The following CHD6 variants were observed in gnomAD, a reference collection of about 807,000 sequenced individuals.
CHD6 encodes the protein chromodomain helicase DNA binding protein 6, also known as ATP-dependent chromatin remodeler CHD6.
CHD6 carries 50 observed loss-of-function variants against 276.9 expected under a neutral mutation model. The ratio of observed to expected loss-of-function variants is 0.18; its 90% CI spans 0.14 to 0.23. The LOEUF (loss-of-function observed/expected upper bound fraction) is 0.23, where lower values mean the gene tolerates loss of function less well. Ranked by LOEUF, CHD6 falls within the 10% of genes least tolerant of loss-of-function variation. CHD6 has a pLI of 1.00. For synonymous variants in CHD6, 1,173 were observed against 1,229.3 expected (o/e 0.95, Z 0.96); for missense variants, 2,564 against 3,365.8 (o/e 0.76, Z 5.89).
intron 1 of CHD6, among the ~76,000 whole-genome samples, chr20:41,617,898 C>G (rs1468618649): frequency 6.7e-6 from 1 of 148,446 alleles, no homozygotes; most frequent in African/African-American, 2.4e-5. Flanking sequence ...GCGGTCACCC[C>G]CGCCCCGCCC....
intron 6 of CHD6, among the ~76,000 whole-genome samples, chr20:41,499,030 G>A (rs1201027846): frequency 7.2e-5 from 11 of 151,860 alleles, no homozygotes; most frequent in Admixed American, 6.6e-4. Flanking sequence ...AATTGTGGTG[G>A]GCTACAGCAA....
At position 41,443,086 on chromosome 20, in the gene CHD6, C is replaced by T. The variant is rs149937420; in HGVS notation, c.3877+2579G>A. Among the ~76,000 whole-genome samples, 557 of 152,330 alleles carry T rather than the reference C, an allele frequency of 3.7e-3. 4 individuals are homozygous for T. Among genetic ancestry groups the T allele is most frequent in the African/African-American group, 0.012 (514 of 41,580 alleles). ...CAAGGCCTCTGCCCCTCAGCTGTAA[C>T]TGTAAATTCCAAGTTCACCTCAACT... On this transcript the variant is annotated intron_variant, in intron 25 of 36. Transcript: ENST00000373233.
chr20:41,492,671 C>G (rs1004157794), intron 10 of CHD6, among the ~76,000 whole-genome samples: 4 of 152,200 alleles, frequency 2.6e-5, no homozygotes, highest in Non-Finnish European at 5.9e-5. Context: ...CAAAGTAATC[C>G]CAGCACTTTG....
intron 2 of CHD6, among the ~76,000 whole-genome samples, chr20:41,541,834 C>T (rs560343465): frequency 6.6e-6 from 1 of 152,172 alleles, no homozygotes; most frequent in Non-Finnish European, 1.5e-5. Context: ...TTAGTCTCCA[C>T]CTCTACTTCC....
intron 1 of CHD6, among the ~76,000 whole-genome samples, chr20:41,617,994 C>T (rs898903571): frequency 4.3e-4 from 63 of 146,686 alleles, no homozygotes; most frequent in Non-Finnish European, 7.4e-4. Flanking sequence ...GGCCCGCGGC[C>T]GGGGTCTGCC....
At position 41,513,004 on chromosome 20, in the gene CHD6, C is replaced by T. The variant is rs1342625958; in HGVS notation, c.703-9G>A. The T allele has an allele frequency of 6.2e-7, 1 of 1,613,942 alleles. No homozygotes were observed. ...CTTCCCGAGCGTCGTTTCTGTAGGG[C>T]AAACACACCCGTCAGAGAAGCTCTC... On this transcript the variant is annotated splice_polypyrimidine_tract_variant and intron_variant, in intron 4 of 36. Coordinates refer to ENST00000373233, the MANE Select transcript of CHD6 (RefSeq NM_032221.5).
At chr20:41,453,063 G>A (rs957550946) in intron 20 of CHD6, 121 bp from the exon 21 acceptor site, 16 of 726,236 alleles carry the variant, frequency 2.2e-5, no homozygotes, top group Middle Eastern at 3.0e-4. Flanking sequence ...CCTCCAGCAC[G>A]AAGGGCTATT....
In CHD6 at chr20:41,556,306, A is replaced by ATGGGAG. The variant is rs1568700442; in HGVS notation, c.-23-4947_-23-4946insCTCCCA. ...AGAGGGAGAGGGAGACCGTGGGGAG[A>ATGGGAG]CGGGAGAGGGAGAGGGCACCTTTTT... On this transcript the variant is annotated intron_variant, in intron 1 of 36. Transcript: ENST00000373233. 8.5e-5 allele frequency among the ~76,000 whole-genome samples: 8 copies of ATGGGAG among 94,386 alleles called. 1 individual carries two copies. Among genetic ancestry groups the ATGGGAG allele is most frequent in the African/African-American group, 4.2e-4 (6 of 14,334 alleles). 61.9% of individuals were successfully genotyped at this position (94,386 alleles called of 152,430 possible). A position where few individuals can be genotyped will look rare whatever the true frequency, so the allele number is the denominator to read the frequency against.
intron 8 of CHD6, among the ~76,000 whole-genome samples, chr20:41,495,136 G>A (rs1048115953): frequency 3.9e-5 from 6 of 151,962 alleles, no homozygotes; most frequent in African/African-American, 1.5e-4. Flanking sequence ...TAGTGCCTAT[G>A]AGCTAAACAC....
intron 5 of CHD6, among the ~76,000 whole-genome samples, chr20:41,507,633 A>T (rs558059399): frequency 1.3e-5 from 2 of 152,336 alleles, no homozygotes; most frequent in Non-Finnish European, 1.5e-5. Flanking sequence ...ATACAGATAC[A>T]CACAGATATA....
intron 27 of CHD6, among the ~76,000 whole-genome samples, chr20:41,436,794 AT>A (rs1329375439): frequency 6.6e-6 from 1 of 152,216 alleles, no homozygotes; most frequent in Non-Finnish European, 1.5e-5. Context: ...TTTACAGAAC[AT>A]TCTTAAAATG....
chr20:41,490,222 A>G (rs1002146534), intron 11 of CHD6, among the ~76,000 whole-genome samples: 1 of 152,154 alleles, frequency 6.6e-6, no homozygotes, highest in African/African-American at 2.4e-5. Flanking sequence ...CTAATTTGGG[A>G]GAAAATACAG....
rs61380159 is a variant in CHD6, at chr20:41,437,400, C to T, written c.4008-66G>A. On this transcript the variant is annotated intron_variant, in intron 26 of 36. Coordinates refer to ENST00000373233, the MANE Select transcript of CHD6 (RefSeq NM_032221.5). ...CCCCCTTATCCACAGTTTCAGTTAC[C>T]CTGGTCAACCACAGTCCAAAAATAC... is the stretch of plus-strand genomic sequence containing the variant. 1,117 of 1,116,072 alleles carry T rather than the reference C, an allele frequency of 1.0e-3. 8 individuals carry two copies. The African/African-American group carries it at 0.016, about 16-fold the overall frequency. The allele number at this position is 1,116,072 out of a possible 1,614,324, so 69.1% of individuals were successfully genotyped here. A position where few individuals can be genotyped will look rare whatever the true frequency, so the allele number is the denominator to read the frequency against.
At chr20:41,554,075 G>C (rs2146156273) in intron 1 of CHD6, among the ~76,000 whole-genome samples, 1 of 152,242 alleles carries the variant, frequency 6.6e-6, no homozygotes, top group East Asian at 1.9e-4. Flanking sequence ...ATCTGAGTCT[G>C]GGAGGTCCAA....
Position 41,415,748 on chromosome 20 carries a change from T to A in CHD6, c.6487-110A>T, listed in dbSNP as rs1047962083. ...GGCCTCATATTGTTTCCAATCATCT[T>A]TTTAGGAGTTCTTCTAACTCAGGCC... is the stretch of plus-strand genomic sequence containing the variant. On this transcript the variant is annotated intron_variant, in intron 33 of 36. Transcript: ENST00000373233. 2.3e-5 allele frequency: 19 copies of A among 817,824 alleles called. No homozygotes were observed. The Admixed American group carries it at 4.8e-4, about 21-fold the overall frequency. 50.7% of individuals were successfully genotyped at this position (817,824 alleles called of 1,614,324 possible).
intron 1 of CHD6, among the ~76,000 whole-genome samples, chr20:41,574,944 T>C (rs1178850722): frequency 2.0e-5 from 3 of 152,192 alleles, no homozygotes. Context: ...CTTTTCCATG[T>C]GGCCCAGGGA....
At chr20:41,617,223 A>C (rs2045941753) in intron 1 of CHD6, among the ~76,000 whole-genome samples, 1 of 152,146 alleles carries the variant, frequency 6.6e-6, no homozygotes, top group Non-Finnish European at 1.5e-5. Flanking sequence ...CCAAGGATTC[A>C]CCAGAAACCT....
At position 41,483,434 on chromosome 20, in the gene CHD6, T is replaced by G. The variant is rs2043339786; in HGVS notation, c.2343A>C (p.Ala781=). The G allele has an allele frequency of 1.9e-6, 3 of 1,613,698 alleles. No individual in the cohort carries two copies. Among genetic ancestry groups the G allele is most frequent in the Admixed American group, 1.7e-5 (1 of 59,934 alleles). ...PDFQLQAMIQ[A]AGKLVLIDKL... Reference sequence around the variant, plus strand: ...TATCAATCAACACAAGCTTTCCTGCTGCCTGAATCATGGCCTGCAGCTGAA... The same window carrying G: ...TATCAATCAACACAAGCTTTCCTGCGGCCTGAATCATGGCCTGCAGCTGAA... The change falls in exon 16 of 37, where the codon GCA becomes GCC. Residue 781 remains alanine, a synonymous_variant. Coordinates refer to ENST00000373233, the MANE Select transcript of CHD6 (RefSeq NM_032221.5).
chr20:41,533,477 C>G lies in CHD6; in HGVS notation c.127G>C (p.Asp43His). The change falls in exon 3 of 37, where the codon GAT (aspartate) becomes CAT (histidine). Residue 43 changes from aspartate (D) to histidine (H), a missense_variant. Asp to His is a moderately conservative substitution (Grantham distance 81). Coordinates refer to ENST00000373233, the MANE Select transcript of CHD6 (RefSeq NM_032221.5). Reference protein sequence around the residue: ...KSPSPFDCSTDQEEKIEDVAS... With the variant: ...KSPSPFDCSTHQEEKIEDVAS... ...ACATCTTCAATTTTCTCTTCTTGATCAGTGCTGCAGTCAAATGGGGATGGA... is the reference window on the plus strand; with the variant it reads ...ACATCTTCAATTTTCTCTTCTTGATGAGTGCTGCAGTCAAATGGGGATGGA... 6.2e-7 allele frequency: 1 copy of G among 1,614,090 alleles called. No homozygotes were observed. Among genetic ancestry groups the G allele is most frequent in the Non-Finnish European group, 8.5e-7 (1 of 1,180,004 alleles).
Sources: gnomAD v4.1 joint callset for allele counts (sites outside exome capture counted in the v4.1 genomes callset) on GRCh38, gnomAD v4.1.1 for gene constraint, MANE v1.5 for transcripts, NCBI Gene and HGNC (gene_info 2026-07-23, HGNC 2026-07-21) for gene names.